Variants in DNAJA3 observed in about 807,000 individuals in gnomAD.
DNAJA3 encodes the protein DnaJ heat shock protein family (Hsp40) member A3, also known as dnaJ homolog subfamily A member 3, mitochondrial.
DNAJA3 carries 29 observed loss-of-function variants against 54.9 expected under a neutral mutation model. The ratio of observed to expected loss-of-function variants is 0.53; its 90% CI spans 0.39 to 0.72. The LOEUF is 0.72. DNAJA3 is among the 30% of genes least tolerant of loss of function. The pLI, the probability that DNAJA3 is intolerant of heterozygous loss-of-function variation, is 0.00. For missense variants in DNAJA3, 708 were observed against 639.4 expected, an observed-to-expected ratio of 1.11 and a Z score of -1.16; for synonymous variants, 302 against 251.4, an observed-to-expected ratio of 1.20 and a Z score of -1.90.
At chr16:4,435,074 A>G (rs1443761549) in intron 2 of DNAJA3, among the ~76,000 whole-genome samples, 2 of 150,912 alleles carry the variant, frequency 1.3e-5, no homozygotes, top group African/African-American at 4.9e-5. Flanking sequence ...TTTTTTTTGT[A>G]TTTTTAGTAG....
intron 4 of DNAJA3, 84 bp from the exon 5 acceptor site, chr16:4,442,176 TGTGGGCCA>T: frequency 7.5e-7 from 1 of 1,326,150 alleles, no homozygotes; most frequent in Non-Finnish European, 1.0e-6. Flanking sequence ...TGACTGAAAA[TGTGGGCCA>T]GTACCCTCCT....
chr16:4,454,323 G>T (rs748234527), intron 10 of DNAJA3, among the ~76,000 whole-genome samples: 1 of 152,184 alleles, frequency 6.6e-6, no homozygotes, highest in Non-Finnish European at 1.5e-5. Context: ...TTGAGTCTCA[G>T]CTTTGGAGTC....
chr16:4,447,048 G>A, intron 8 of DNAJA3, 34 bp downstream of exon 8: 1 of 1,598,136 alleles, frequency 6.3e-7, no homozygotes, highest in East Asian at 2.2e-5. Context: ...TGTCACCCCT[G>A]TACTTTATTG....
chr16:4,452,128 A>T (rs964825790), intron 10 of DNAJA3, among the ~76,000 whole-genome samples: 4 of 152,010 alleles, frequency 2.6e-5, no homozygotes, highest in African/African-American at 9.7e-5. Flanking sequence ...CCAGGTTCCA[A>T]ATGTCACTTA....
At chr16:4,448,666 T>C in intron 8 of DNAJA3, 67 bp from the exon 9 acceptor site, 1 of 1,068,598 alleles carries the variant, frequency 9.4e-7, no homozygotes, top group Non-Finnish European at 1.4e-6. Flanking sequence ...ATTGTCTTCA[T>C]GTAGTGAAAA....
intron 5 of DNAJA3, 55 bp downstream of exon 5, chr16:4,442,475 A>G: frequency 1.3e-6 from 2 of 1,511,414 alleles, no homozygotes; most frequent in South Asian, 2.7e-5. Context: ...GACTGAGAAG[A>G]GCTGGTTGTG....
chr16:4,435,999 CTT>C (rs2056768066), intron 2 of DNAJA3, among the ~76,000 whole-genome samples: 1 of 152,198 alleles, frequency 6.6e-6, no homozygotes, highest in Non-Finnish European at 1.5e-5. Context: ...TATCGTCTGT[CTT>C]TTTAATTACG....
intron 10 of DNAJA3, 141 bp from the exon 11 acceptor site, chr16:4,454,670 G>A: frequency 1.6e-6 from 1 of 621,684 alleles, no homozygotes; most frequent in Non-Finnish European, 2.9e-6. Context: ...CTTAGGAGTG[G>A]CCCCCACTCT....
intron 3 of DNAJA3, 98 bp downstream of exon 3, chr16:4,437,583 C>A: frequency 3.1e-6 from 3 of 960,004 alleles, no homozygotes; most frequent in Non-Finnish European, 4.9e-6. Flanking sequence ...GTCATACAGT[C>A]CAGTGTGAAG....
chr16:4,430,728 A>G (rs2056687546), intron 1 of DNAJA3: 1 of 152,076 alleles, frequency 6.6e-6, no homozygotes, highest in Non-Finnish European at 1.5e-5. Context: ...ATTGTTAATC[A>G]TTGATGCCCT....
chr16:4,445,214 A>T (rs2056889047), intron 7 of DNAJA3, among the ~76,000 whole-genome samples: 1 of 152,226 alleles, frequency 6.6e-6, no homozygotes, highest in African/African-American at 2.4e-5. Context: ...CCATGGTAGC[A>T]AGACACTGCC....
chr16:4,452,957 GTC>G (rs1485562474), intron 10 of DNAJA3, among the ~76,000 whole-genome samples: 1 of 152,172 alleles, frequency 6.6e-6, no homozygotes, highest in Non-Finnish European at 1.5e-5. Flanking sequence ...GGGTGGTTAA[GTC>G]TCTCATTATA....
At chr16:4,448,982 G>A (rs1474919176) in intron 9 of DNAJA3, 134 bp downstream of exon 9, 2 of 645,630 alleles carry the variant, frequency 3.1e-6, no homozygotes, top group African/African-American at 1.8e-5. Flanking sequence ...TCTGTAAAGT[G>A]GACATAGTAG....
intron 7 of DNAJA3, among the ~76,000 whole-genome samples, 178 bp downstream of exon 7, chr16:4,444,906 G>C (rs755507207): frequency 3.9e-5 from 6 of 152,142 alleles, no homozygotes; most frequent in Non-Finnish European, 7.3e-5. Flanking sequence ...TCAAGATTCT[G>C]TGCCTTGTGT....
chr16:4,455,488 A>G, intron 11 of DNAJA3, 58 bp from the exon 12 acceptor site: 1 of 1,542,536 alleles, frequency 6.5e-7, no homozygotes. Context: ...CGCTCCCCAC[A>G]GGGGTGTGTT....
intron 7 of DNAJA3, among the ~76,000 whole-genome samples, chr16:4,445,926 CTT>C (rs765532043): frequency 7.9e-6 from 1 of 127,274 alleles, no homozygotes; most frequent in Non-Finnish European, 1.8e-5. Context: ...CCTTTTTTTT[CTT>C]TTTTTTTTCT....
intron 4 of DNAJA3, 58 bp from the exon 5 acceptor site, chr16:4,442,210 A>T: frequency 6.6e-7 from 1 of 1,509,056 alleles, no homozygotes; most frequent in Non-Finnish European, 8.9e-7. Context: ...TTTAGAGCCG[A>T]GCGTCAGTTT....
At chr16:4,429,073 A>G (rs1479781537) in intron 1 of DNAJA3, among the ~76,000 whole-genome samples, 2 of 151,276 alleles carry the variant, frequency 1.3e-5, no homozygotes, top group African/African-American at 4.9e-5. Flanking sequence ...TATTTTTAGT[A>G]GAGATGGAGT....
chr16:4,455,732 G>A lies in DNAJA3; in HGVS notation c.*200G>A, dbSNP rs574416739. Reference sequence around the variant, plus strand: ...ACGGAAAGGTCACAGTGGACAGCCCGGGCAGTAGGATGCAGCCCCAGAGGC... The same window carrying A: ...ACGGAAAGGTCACAGTGGACAGCCCAGGCAGTAGGATGCAGCCCCAGAGGC... On this transcript the variant is annotated 3_prime_UTR_variant, in exon 12 of 12. Coordinates refer to ENST00000262375, the MANE Select transcript of DNAJA3 (RefSeq NM_005147.6). The A allele has an allele frequency of 3.1e-5, 24 of 763,232 alleles. No homozygotes were observed. The highest frequency in any genetic ancestry group is 1.9e-4 in the African/African-American group (11 of 57,284). The allele number at this position is 763,232 out of a possible 1,614,324, so 47.3% of individuals were successfully genotyped here.
Sources: allele counts gnomAD v4.1 joint callset (sites outside exome capture counted in the v4.1 genomes callset), GRCh38; gene constraint gnomAD v4.1.1; transcripts MANE v1.5; gene names NCBI Gene and HGNC (gene_info 2026-07-23, HGNC 2026-07-21).